PMPCB: variants seen among roughly 807,000 people sequenced by gnomAD.
The protein encoded by PMPCB is mitochondrial-processing peptidase subunit beta.
A neutral mutation model predicts 61.5 loss-of-function variants in PMPCB; 46 were observed. The observed-to-expected ratio is 0.75, with a 90% confidence interval of 0.59 to 0.96. The LOEUF is 0.96. Ranked by LOEUF, PMPCB falls within the 40% of genes least tolerant of loss-of-function variation. The pLI is 0.00. For synonymous variants in PMPCB, 191 were observed against 201.6 expected (o/e 0.95, Z 0.44); for missense variants, 590 against 602.4 (o/e 0.98, Z 0.22).
chr7:103,327,646 AT>A, intron 12 of PMPCB: 1 of 1,549,328 alleles, frequency 6.5e-7, no homozygotes, highest in Non-Finnish European at 8.9e-7. Context: ...ACTCTAAAGC[AT>A]TTTCTTACCT....
chr7:103,321,181 G>A (rs1466747515), intron 12 of PMPCB, among the ~76,000 whole-genome samples: 1 of 152,112 alleles, frequency 6.6e-6, no homozygotes, highest in East Asian at 1.9e-4. Context: ...CTGAGTGACT[G>A]AGACCCTGCC....
chr7:103,301,945 T>G (rs151251443), intron 4 of PMPCB, among the ~76,000 whole-genome samples: 17 of 152,296 alleles, frequency 1.1e-4, no homozygotes, highest in African/African-American at 3.6e-4. Context: ...ACGCTATCCC[T>G]CCCTGCTCCC....
chr7:103,300,092 T>C, intron 3 of PMPCB, 86 bp from the exon 4 acceptor site: 1 of 1,307,420 alleles, frequency 7.6e-7, no homozygotes, highest in Non-Finnish European at 1.1e-6. Flanking sequence ...GAAACTAACT[T>C]ATGTCCTCCA....
chr7:103,331,980 T>A (rs1294660615), downstream of PMPCB, among the ~76,000 whole-genome samples: 2 of 150,520 alleles, frequency 1.3e-5, no homozygotes, highest in African/African-American at 4.9e-5. Flanking sequence ...CAACAGTGTA[T>A]AAAAATTCCC....
chr7:103,312,420 G>C lies in PMPCB; in HGVS notation c.*149G>C, dbSNP rs1005323786. 1 of 1,508,670 alleles carries C rather than the reference G, an allele frequency of 6.6e-7. No homozygotes were observed. Among genetic ancestry groups the C allele is most frequent in the African/African-American group, 1.4e-5 (1 of 70,936 alleles). The allele number at this position is 1,508,670 out of a possible 1,614,324, so 93.5% of individuals were successfully genotyped here. Reference sequence around the variant, plus strand: ...TAAAAAGACTACCCCTCTGAAGGTTGTTTTGTATTAATGGTCAGTCTTTGT... The same window carrying C: ...TAAAAAGACTACCCCTCTGAAGGTTCTTTTGTATTAATGGTCAGTCTTTGT... On this transcript the variant is annotated 3_prime_UTR_variant, in exon 13 of 13. Transcript: ENST00000249269.
the PMPCB span, chr7:103,347,513 C>T: frequency 0.025 from 13,321 of 539,240 alleles, 248 homozygotes; most frequent in Middle Eastern, 0.033. Context: ...TGTAAAGTTT[C>T]CTTCTCACAG....
At chr7:103,305,140 CG>C (rs1817543508) in intron 6 of PMPCB, among the ~76,000 whole-genome samples, 1 of 152,106 alleles carries the variant, frequency 6.6e-6, no homozygotes, top group South Asian at 2.1e-4. Flanking sequence ...GAACCAACTT[CG>C]TCCTTGTTCA....
chr7:103,334,470 G>C (rs1426822058), downstream of PMPCB, among the ~76,000 whole-genome samples: 2 of 151,882 alleles, frequency 1.3e-5, no homozygotes, highest in Non-Finnish European at 2.9e-5. Context: ...GGCTGAGGCA[G>C]AAGAATGAGG....
At chr7:103,299,160 G>A (rs957889456) in intron 2 of PMPCB, among the ~76,000 whole-genome samples, 10 of 152,224 alleles carry the variant, frequency 6.6e-5, no homozygotes, top group Admixed American at 1.3e-4. Context: ...TTTTCTGACA[G>A]TCTCTGATGT....
chr7:103,330,924 T>A (rs1183657398), downstream of PMPCB, among the ~76,000 whole-genome samples: 1 of 151,536 alleles, frequency 6.6e-6, no homozygotes, highest in Non-Finnish European at 1.5e-5. Context: ...ACTTATGGGG[T>A]GCATGTGATT....
chr7:103,312,713 T>C lies in PMPCB; in HGVS notation c.*442T>C. 6.3e-7 allele frequency: 1 copy of C among 1,589,356 alleles called. No homozygotes were observed. Among genetic ancestry groups the C allele is most frequent in the East Asian group, 2.2e-5 (1 of 44,720 alleles). Reference sequence around the variant, plus strand: ...ACAGACATTTTAATCTAGTGTTTGGTGTAAAGAATTCAAGCAACTAAGATA... The same window carrying C: ...ACAGACATTTTAATCTAGTGTTTGGCGTAAAGAATTCAAGCAACTAAGATA... On this transcript the variant is annotated 3_prime_UTR_variant, in exon 13 of 13. Coordinates refer to ENST00000249269, the MANE Select transcript of PMPCB (RefSeq NM_004279.3).
At chr7:103,309,256 C>A (rs1817673068) in intron 8 of PMPCB, 161 bp downstream of exon 8, 14 of 543,316 alleles carry the variant, frequency 2.6e-5, no homozygotes, top group Non-Finnish European at 3.7e-5. Context: ...TGCATGTGGG[C>A]CAGAAAAAGT....
At chr7:103,324,622 A>C (rs1298257303) in intron 12 of PMPCB, 6 of 1,278,676 alleles carry the variant, frequency 4.7e-6, no homozygotes, top group Non-Finnish European at 6.2e-6. Context: ...ACAGTTCAAC[A>C]AACAATTTAA....
the PMPCB span, chr7:103,344,331 G>A: frequency 6.8e-5 from 40 of 584,922 alleles, 1 homozygote; most frequent in Admixed American, 2.5e-4. Context: ...GCGGCGAGAG[G>A]AGGAAGCAAC....
At chr7:103,333,675 C>T (rs986754754), downstream of PMPCB, among the ~76,000 whole-genome samples, 2 of 152,174 alleles carry the variant, frequency 1.3e-5, no homozygotes, top group African/African-American at 4.8e-5. Flanking sequence ...CATCCTCTAC[C>T]AGCTGAGGCA....
At position 103,314,447 on chromosome 7, in the gene PMPCB, C is replaced by T; in HGVS notation, c.*2176C>T. The T allele has an allele frequency of 1.0e-6, 1 of 985,378 alleles. No individual in the cohort carries two copies. The highest frequency in any genetic ancestry group is 1.2e-6 in the Non-Finnish European group (1 of 829,916). The allele number at this position is 985,378 out of a possible 1,614,324, so 61.0% of individuals were successfully genotyped here. A position where few individuals can be genotyped will look rare whatever the true frequency, so the allele number is the denominator to read the frequency against. ...CACTACTGCCAGTCACTCTTGCCTT[C>T]ACAGGGTCACCTCTCCTCACAGAAA... is the stretch of plus-strand genomic sequence containing the variant. On this transcript the variant is annotated 3_prime_UTR_variant, in exon 13 of 13. Coordinates refer to ENST00000249269, the MANE Select transcript of PMPCB (RefSeq NM_004279.3).
downstream of PMPCB, chr7:103,319,504 A>G (rs1244643142): frequency 2.8e-6 from 3 of 1,082,608 alleles, no homozygotes; most frequent in Non-Finnish European, 4.1e-6. Context: ...CATAAAGAGA[A>G]ATCAGATACT....
In PMPCB at chr7:103,310,313, A is replaced by C. The variant is rs1328798511; in HGVS notation, c.994-2A>C. ...TCTCTTGGAATTTTTTTTTCCTTGC[A>C]GAATTTATCTAGCAAGCTGGCCCAG... On this transcript the variant is annotated splice_acceptor_variant, in intron 8 of 12. Transcript: ENST00000249269. LOFTEE classifies it high-confidence loss of function. 1 of 1,605,644 alleles carries C rather than the reference A, an allele frequency of 6.2e-7. No individual in the cohort carries two copies. The highest frequency in any genetic ancestry group is 1.3e-5 in the African/African-American group (1 of 74,270).
chr7:103,305,775 G>A (rs1817559430), intron 6 of PMPCB, among the ~76,000 whole-genome samples: 4 of 152,180 alleles, frequency 2.6e-5, no homozygotes. Context: ...ATGGCAGGAA[G>A]TGCACTCTGA....
Sources: gnomAD v4.1 joint callset for allele counts (sites outside exome capture counted in the v4.1 genomes callset) on GRCh38, gnomAD v4.1.1 for gene constraint, MANE v1.5 for transcripts, NCBI Gene and HGNC (gene_info 2026-07-23, HGNC 2026-07-21) for gene names.